DNAH6: variants seen among roughly 807,000 people sequenced by gnomAD.
DNAH6 encodes axonemal beta dynein heavy chain 6.
DNAH6 carries 340 observed loss-of-function variants against 491.4 expected under a neutral mutation model. The observed-to-expected ratio is 0.69, with a 90% CI of 0.63 to 0.76. The LOEUF (loss-of-function observed/expected upper bound fraction) is 0.76, where lower values mean the gene tolerates loss of function less well. Among genes scored for constraint, DNAH6 ranks in the 30% least tolerant of loss-of-function variants. The probability of loss-of-function intolerance (pLI) is 0.00; values close to 1 mark genes in which losing one functional copy is unlikely to be tolerated. For synonymous variants in DNAH6, 1,603 were observed against 1,686.1 expected (o/e 0.95, Z 1.21); for missense variants, 4,443 against 4,972.2 (o/e 0.89, Z 3.20).
At chr2:84,702,638 G>A (rs1448802862) in intron 49 of DNAH6, among the ~76,000 whole-genome samples, 1 of 151,270 alleles carries the variant, frequency 6.6e-6, no homozygotes, top group Non-Finnish European at 1.5e-5. Flanking sequence ...CGCCTCCCAG[G>A]TTCGTGCCAT....
intron 41 of DNAH6, among the ~76,000 whole-genome samples, chr2:84,679,210 G>A (rs960772290): frequency 2.6e-5 from 4 of 152,124 alleles, no homozygotes; most frequent in Admixed American, 2.6e-4. Flanking sequence ...ACCTATTAGT[G>A]TTAACACGAT....
Position 84,699,583 on chromosome 2 carries a change from C to T in DNAH6, c.7678-11C>T. The T allele has an allele frequency of 6.5e-7, 1 of 1,543,680 alleles. No homozygotes were observed. Among genetic ancestry groups the T allele is most frequent in the Non-Finnish European group, 8.8e-7 (1 of 1,142,752 alleles). On this transcript the variant is annotated splice_polypyrimidine_tract_variant and intron_variant, in intron 47 of 76. Transcript: ENST00000389394. The stretch of plus-strand genomic sequence containing the variant: ...TATTTTAAACTGAAAAAATAACTTT[C>T]TTTTTGTCAGGTGTTTCAATACTTT...
In DNAH6 at chr2:84,579,620, C is replaced by G; in HGVS notation, c.2170C>G (p.Pro724Ala). The G allele has an allele frequency of 6.2e-7, 1 of 1,611,210 alleles. No individual in the cohort carries two copies. The highest frequency in any genetic ancestry group is 2.2e-5 in the East Asian group (1 of 44,828). ...TGCAGAGTATAAACTTGAGTTTGTT[C>G]CAACTACTACCACAGAATATGTTCA... is the stretch of plus-strand genomic sequence containing the variant. ...QDAEYKLEFV[P>A]TTTTEYVHSL... is the part of the protein sequence containing the mutation. The change falls in exon 14 of 77, where the codon CCA becomes GCA. Residue 724 changes from proline to alanine, a missense_variant. Transcript: ENST00000389394.
At chr2:84,676,748 A>G (rs1693267909) in intron 40 of DNAH6, among the ~76,000 whole-genome samples, 1 of 152,212 alleles carries the variant, frequency 6.6e-6, no homozygotes, top group African/African-American at 2.4e-5. Context: ...GTTTCACATA[A>G]AGGTATTTAT....
At chr2:84,725,066 C>A (rs1698498958) in intron 60 of DNAH6, among the ~76,000 whole-genome samples, 1 of 152,094 alleles carries the variant, frequency 6.6e-6, no homozygotes, top group South Asian at 2.1e-4. Context: ...GCCTGAACTC[C>A]CAGGAGGCAA....
chr2:84,500,730 T>G, the DNAH6 span, among the ~76,000 whole-genome samples: 4 of 152,322 alleles, frequency 2.6e-5, no homozygotes, highest in South Asian at 8.3e-4. Flanking sequence ...ATACTTTTCA[T>G]TATAGAAATC....
At chr2:84,489,353 A>G in the DNAH6 span, among the ~76,000 whole-genome samples, 1 of 152,088 alleles carries the variant, frequency 6.6e-6, no homozygotes, top group African/African-American at 2.4e-5. Context: ...GCTGAAAAAA[A>G]TTCATTCCTT....
At chr2:84,728,602 A>T (rs1216924699) in intron 61 of DNAH6, among the ~76,000 whole-genome samples, 2 of 152,234 alleles carry the variant, frequency 1.3e-5, no homozygotes, top group Non-Finnish European at 2.9e-5. Context: ...ATCCAATAAA[A>T]GTTGTAATTC....
chr2:84,463,256 A>T, the DNAH6 span, among the ~76,000 whole-genome samples: 2 of 152,158 alleles, frequency 1.3e-5, no homozygotes, highest in South Asian at 4.2e-4. Flanking sequence ...GAAGAGGGGG[A>T]GACAGACCTC....
At chr2:84,806,389 G>A (rs1679411403) in intron 71 of DNAH6, among the ~76,000 whole-genome samples, 1 of 152,278 alleles carries the variant, frequency 6.6e-6, no homozygotes, top group South Asian at 2.1e-4. Context: ...GGAGGCCAAG[G>A]CAGGCGGATC....
chr2:84,728,909 ACT>A (rs1353335268), intron 61 of DNAH6, among the ~76,000 whole-genome samples: 3 of 151,572 alleles, frequency 2.0e-5, no homozygotes, highest in Non-Finnish European at 2.9e-5. Context: ...GCTCTGTCCA[ACT>A]CTGCAAATCT....
At chr2:84,571,575 G>A (rs568808998) in intron 11 of DNAH6, among the ~76,000 whole-genome samples, 2 of 152,048 alleles carry the variant, frequency 1.3e-5, no homozygotes, top group East Asian at 1.9e-4. Flanking sequence ...TTTAAAAAAT[G>A]TGAAGGTCAT....
At chr2:84,473,289 G>C in the DNAH6 span, among the ~76,000 whole-genome samples, 1 of 152,150 alleles carries the variant, frequency 6.6e-6, no homozygotes, top group African/African-American at 2.4e-5. Flanking sequence ...AATCTGATTT[G>C]GATCATATCC....
chr2:84,522,867 A>G (rs1676278917), intron 2 of DNAH6, among the ~76,000 whole-genome samples: 2 of 152,104 alleles, frequency 1.3e-5, no homozygotes, highest in African/African-American at 4.8e-5. Context: ...TCGATTTGCA[A>G]GCATTTTGTT....
intron 72 of DNAH6, among the ~76,000 whole-genome samples, chr2:84,808,948 G>A (rs1262138148): frequency 6.6e-6 from 1 of 152,206 alleles, no homozygotes; most frequent in Non-Finnish European, 1.5e-5. Flanking sequence ...CAGAATGCCT[G>A]CATTAGAGTC....
chr2:84,549,329 G>A (rs898102286), intron 8 of DNAH6, among the ~76,000 whole-genome samples: 3 of 152,190 alleles, frequency 2.0e-5, no homozygotes, highest in African/African-American at 7.2e-5. Flanking sequence ...CTACCATAGT[G>A]GACCTAGAAG....
At chr2:84,807,546 T>C (rs1460243548) in intron 71 of DNAH6, among the ~76,000 whole-genome samples, 1 of 152,158 alleles carries the variant, frequency 6.6e-6, no homozygotes, top group East Asian at 1.9e-4. Context: ...TGTCTCAGTC[T>C]CCTGCCCCCA....
intron 52 of DNAH6, among the ~76,000 whole-genome samples, chr2:84,706,220 A>G (rs1289696695): frequency 6.6e-6 from 1 of 152,218 alleles, no homozygotes; most frequent in East Asian, 1.9e-4. Context: ...AACTTTTTCC[A>G]TGAAGACCCA....
chr2:84,663,689 G>C (rs192977285), intron 37 of DNAH6, among the ~76,000 whole-genome samples: 1 of 152,276 alleles, frequency 6.6e-6, no homozygotes, highest in African/African-American at 2.4e-5. Flanking sequence ...TATTATCCAG[G>C]AGAACTTCCC....
Sources: allele counts gnomAD v4.1 joint callset (sites outside exome capture counted in the v4.1 genomes callset), GRCh38; gene constraint gnomAD v4.1.1; transcripts MANE v1.5; gene names NCBI Gene and HGNC (gene_info 2026-07-23, HGNC 2026-07-21).